The following MEP1A variants were observed in gnomAD, a reference collection of about 807,000 sequenced individuals.
MEP1A encodes N-benzoyl-L-tyrosyl-P-amino-benzoic acid hydrolase subunit alpha.
Under a neutral mutation model 84.5 loss-of-function variants are expected in MEP1A, and 68 were observed. That is an observed-to-expected ratio of 0.80 (90% CI 0.66 to 0.98). The LOEUF (loss-of-function observed/expected upper bound fraction) is 0.98, where lower values mean the gene tolerates loss of function less well. Among genes scored for constraint, MEP1A ranks in the 50% least tolerant of loss-of-function variants. The pLI is 0.00. For missense variants in MEP1A, 887 were observed against 919.9 expected, an observed-to-expected ratio of 0.96 and a Z score of 0.46; for synonymous variants, 337 against 336.8, an observed-to-expected ratio of 1.00 and a Z score of -0.01.
intron 3 of MEP1A, among the ~76,000 whole-genome samples, chr6:46,798,032 A>G (rs1767105251): frequency 6.7e-6 from 1 of 150,240 alleles, no homozygotes; most frequent in Admixed American, 6.7e-5. Flanking sequence ...CAGTGGCATG[A>G]TCTTGGCTCA....
chr6:46,809,463 C>A lies in MEP1A; in HGVS notation c.306C>A (p.Phe102Leu). ...CCATTCTGTATGCCTTTGAGATGTTCCGTCTCAAGTCCTGTGTGGATTTCA... is the reference window on the plus strand; with the variant it reads ...CCATTCTGTATGCCTTTGAGATGTTACGTCTCAAGTCCTGTGTGGATTTCA... ...KGAILYAFEM[F>L]RLKSCVDFKP... The change falls in exon 6 of 14, where the codon TTC (phenylalanine) becomes TTA (leucine). Residue 102 changes from phenylalanine (F) to leucine (L), a missense_variant. By Grantham distance (22) the Phe-to-Leu change is conservative. Transcript: ENST00000230588. 6.2e-7 allele frequency: 1 copy of A among 1,609,562 alleles called. No individual in the cohort carries two copies. Among genetic ancestry groups the A allele is most frequent in the South Asian group, 1.1e-5 (1 of 90,304 alleles).
At chr6:46,802,620 T>C (rs1391354242) in intron 5 of MEP1A, among the ~76,000 whole-genome samples, 1 of 151,886 alleles carries the variant, frequency 6.6e-6, no homozygotes, top group African/African-American at 2.4e-5. Flanking sequence ...TGAATAGAAG[T>C]GGTAAGAGTG....
chr6:46,807,597 G>A (rs182808532), intron 5 of MEP1A, among the ~76,000 whole-genome samples: 5 of 100,338 alleles, frequency 5.0e-5, no homozygotes, highest in African/African-American at 2.0e-4. Flanking sequence ...AGGAAGGAAG[G>A]AAGGAAGGAA....
chr6:46,842,599 A>T (rs185188839), downstream of MEP1A, among the ~76,000 whole-genome samples: 29 of 152,288 alleles, frequency 1.9e-4, no homozygotes, highest in East Asian at 5.4e-3. Context: ...TTCTGTTAAG[A>T]TGTTTATCAA....
chr6:46,824,511 C>A (rs909311378), intron 7 of MEP1A, among the ~76,000 whole-genome samples: 1 of 139,656 alleles, frequency 7.2e-6, no homozygotes, highest in African/African-American at 2.6e-5. Flanking sequence ...TTAAATAAAT[C>A]TATTTAAATA....
intron 7 of MEP1A, 89 bp from the exon 8 acceptor site, chr6:46,825,183 T>G (rs1193652861): frequency 7.4e-6 from 4 of 538,546 alleles, no homozygotes; most frequent in Non-Finnish European, 1.2e-5. Flanking sequence ...CTATTTCCCT[T>G]TTTTGGAGGG....
chr6:46,809,116 G>C (rs1318928166), intron 5 of MEP1A, among the ~76,000 whole-genome samples: 1 of 151,580 alleles, frequency 6.6e-6, no homozygotes, highest in Non-Finnish European at 1.5e-5. Flanking sequence ...GGCAAAGGGA[G>C]AAAGTGTGGA....
intron 6 of MEP1A, among the ~76,000 whole-genome samples, chr6:46,813,972 A>G (rs1051420118): frequency 8.5e-5 from 13 of 152,162 alleles, no homozygotes; most frequent in African/African-American, 3.1e-4. Flanking sequence ...TTTGCTTCAC[A>G]GCTCTTAAGA....
chr6:46,807,770 G>GGAAAGAAAGAAAGAAAGAAAGGAA (rs1767382326), intron 5 of MEP1A, among the ~76,000 whole-genome samples: 1 of 97,236 alleles, frequency 1.0e-5, no homozygotes, highest in African/African-American at 4.3e-5. Flanking sequence ...AAGGGAGAAA[G>GGAAAGAAAGAAAGAAAGAAAGGAA]GAAAGAAAGA....
Position 46,808,143 on chromosome 6 carries a change from CT to C in MEP1A, c.263-1268del, listed in dbSNP as rs150828939. On this transcript the variant is annotated intron_variant, in intron 5 of 13. Transcript: ENST00000230588. ...AGGAAGCTTGCTTTCAGTATAATCA[CT>C]TTTTTTTTCTCACATTTTTGTGACA... Among the ~76,000 whole-genome samples, 6 of 151,634 alleles carry C rather than the reference CT, an allele frequency of 4.0e-5. No individual in the cohort carries two copies. The South Asian group carries it at 6.3e-4, about 16-fold the overall frequency.
intron 8 of MEP1A, among the ~76,000 whole-genome samples, 162 bp from the exon 9 acceptor site, chr6:46,826,192 C>T (rs748289339): frequency 6.6e-6 from 1 of 152,030 alleles, no homozygotes; most frequent in Non-Finnish European, 1.5e-5. Context: ...TTAGCAAGTA[C>T]TAAGATCTGA....
chr6:46,826,079 G>C (rs768880566), intron 8 of MEP1A, among the ~76,000 whole-genome samples: 2 of 152,128 alleles, frequency 1.3e-5, no homozygotes, highest in African/African-American at 4.8e-5. Flanking sequence ...TAGGTATCTT[G>C]TTCTTGATCT....
intron 5 of MEP1A, among the ~76,000 whole-genome samples, chr6:46,807,763 GGAGA>G (rs747281724): frequency 0.11 from 11,980 of 107,742 alleles, 860 homozygotes; most frequent in African/African-American, 0.14. Context: ...AGGAAGGAAG[GGAGA>G]AAGGAAAGAA....
At chr6:46,842,262 A>T (rs1768346631), downstream of MEP1A, among the ~76,000 whole-genome samples, 1 of 152,228 alleles carries the variant, frequency 6.6e-6, no homozygotes, top group Non-Finnish European at 1.5e-5. Context: ...TTTCAGGGAA[A>T]AAAGGAAGGT....
chr6:46,799,214 A>G (rs769385965), intron 5 of MEP1A, 33 bp downstream of exon 5: 15 of 1,390,398 alleles, frequency 1.1e-5, no homozygotes, highest in Non-Finnish European at 1.4e-5. Flanking sequence ...AGGAAGTTTC[A>G]GTTTAACTCT....
At chr6:46,845,795 A>T in the MEP1A span, among the ~76,000 whole-genome samples, 2 of 152,164 alleles carry the variant, frequency 1.3e-5, no homozygotes, top group African/African-American at 4.8e-5. Flanking sequence ...CTGAAGGTGT[A>T]CCAATCTAGT....
the MEP1A span, among the ~76,000 whole-genome samples, chr6:46,845,249 A>C: frequency 6.6e-6 from 1 of 152,232 alleles, no homozygotes; most frequent in Non-Finnish European, 1.5e-5. Flanking sequence ...CCTTTCCTAA[A>C]GGAGTCTTGG....
At chr6:46,798,056 G>A (rs766744120) in intron 3 of MEP1A, among the ~76,000 whole-genome samples, 42 of 151,194 alleles carry the variant, frequency 2.8e-4, no homozygotes, top group African/African-American at 4.1e-4. Flanking sequence ...TAACCTCTGC[G>A]TCCTGGGTTC....
intron 6 of MEP1A, among the ~76,000 whole-genome samples, chr6:46,818,338 T>C (rs1051353938): frequency 2.0e-5 from 3 of 152,170 alleles, no homozygotes; most frequent in Non-Finnish European, 4.4e-5. Context: ...TCAGTAGTCT[T>C]GGGGAGAACA....
Sources: allele counts gnomAD v4.1 joint callset (sites outside exome capture counted in the v4.1 genomes callset), GRCh38; gene constraint gnomAD v4.1.1; transcripts MANE v1.5; gene names NCBI Gene and HGNC (gene_info 2026-07-23, HGNC 2026-07-21).